Variants in ADGRV1 observed in about 807,000 individuals in gnomAD.
ADGRV1 encodes adhesion G protein-coupled receptor V1.
In ADGRV1, 359 loss-of-function variants were observed where a neutral mutation model predicts 596.2. The observed-to-expected ratio is 0.60, with a 90% CI of 0.55 to 0.66. The LOEUF (loss-of-function observed/expected upper bound fraction) is 0.66, where lower values mean the gene tolerates loss of function less well. Among genes scored for constraint, ADGRV1 ranks in the 30% least tolerant of loss-of-function variants. The pLI is 0.00. For synonymous variants in ADGRV1, 2,681 were observed against 2,679.2 expected, an observed-to-expected ratio of 1.00 and a Z score of -0.02; for missense variants, 7,274 against 7,575.6, an observed-to-expected ratio of 0.96 and a Z score of 1.48.
In ADGRV1 at chr5:90,681,473, T is replaced by C; in HGVS notation, c.5664+19T>C. 1 of 1,598,858 alleles carries C rather than the reference T, an allele frequency of 6.3e-7. No individual in the cohort carries two copies. Among genetic ancestry groups the C allele is most frequent in the Non-Finnish European group, 8.5e-7 (1 of 1,169,950 alleles). The stretch of plus-strand genomic sequence containing the variant: ...ATTAAATGTGAGTACCTTTTCTTCC[T>C]TCATTCCTAGACACTTTCTGTTGTT... On this transcript the variant is annotated intron_variant, in intron 27 of 89. Transcript: ENST00000405460.
intron 85 of ADGRV1, among the ~76,000 whole-genome samples, chr5:90,990,614 A>G (rs1219699307): frequency 6.6e-6 from 1 of 152,192 alleles, no homozygotes; most frequent in African/African-American, 2.4e-5. Context: ...CTAGTAGGCC[A>G]TGGGCAGGTA....
At chr5:90,705,638 T>A in intron 37 of ADGRV1, 59 bp downstream of exon 37, 1 of 1,369,294 alleles carries the variant, frequency 7.3e-7, no homozygotes, top group Non-Finnish European at 1.0e-6. Context: ...ATATTCTACT[T>A]GTGTGGATGA....
At chr5:90,998,438 C>A (rs1400285083) in intron 85 of ADGRV1, among the ~76,000 whole-genome samples, 5 of 151,900 alleles carry the variant, frequency 3.3e-5, no homozygotes, top group African/African-American at 1.2e-4. Flanking sequence ...GTATGTAATA[C>A]CCTGTATCGG....
chr5:90,707,305 G>A (rs905789617), intron 38 of ADGRV1, among the ~76,000 whole-genome samples: 1 of 152,126 alleles, frequency 6.6e-6, no homozygotes, highest in Non-Finnish European at 1.5e-5. Flanking sequence ...TGGTACTCAC[G>A]GAGGGAGTAG....
intron 1 of ADGRV1, among the ~76,000 whole-genome samples, chr5:90,594,581 A>G (rs1259923789): frequency 7.0e-6 from 1 of 143,634 alleles, no homozygotes; most frequent in Non-Finnish European, 1.5e-5. Flanking sequence ...AGGTCAGCAG[A>G]TAAACAAGTG....
At chr5:90,752,481 GTGT>G (rs1755375986) in intron 53 of ADGRV1, among the ~76,000 whole-genome samples, 1 of 152,034 alleles carries the variant, frequency 6.6e-6, no homozygotes, top group Admixed American at 6.6e-5. Context: ...GCCCCAGTGT[GTGT>G]TGTTTCCCTC....
intron 85 of ADGRV1, among the ~76,000 whole-genome samples, chr5:90,999,834 A>G (rs908697635): frequency 6.6e-6 from 1 of 152,106 alleles, no homozygotes; most frequent in East Asian, 1.9e-4. Context: ...AAAAGGGAAT[A>G]CCTGCAAATG....
chr5:90,574,109 A>G (rs1025642400), intron 1 of ADGRV1, among the ~76,000 whole-genome samples: 1 of 150,772 alleles, frequency 6.6e-6, no homozygotes, highest in Admixed American at 6.6e-5. Flanking sequence ...ATTGCTCTTT[A>G]TGCTTGGGAT....
At chr5:90,794,781 C>T (rs569952225) in intron 70 of ADGRV1, among the ~76,000 whole-genome samples, 24 of 152,222 alleles carry the variant, frequency 1.6e-4, no homozygotes, top group African/African-American at 5.3e-4. Context: ...CTTAGGTACC[C>T]GGTTCATCTC....
At chr5:90,876,372 C>A (rs1769217806) in intron 83 of ADGRV1, among the ~76,000 whole-genome samples, 1 of 152,078 alleles carries the variant, frequency 6.6e-6, no homozygotes, top group African/African-American at 2.4e-5. Context: ...TTTAGAAGGG[C>A]AATATAAGCA....
Position 90,693,990 on chromosome 5 carries a change from G to A in ADGRV1, c.7234G>A (p.Glu2412Lys). 6.2e-7 allele frequency: 1 copy of A among 1,613,492 alleles called. No homozygotes were observed. The highest frequency in any genetic ancestry group is 1.3e-5 in the African/African-American group (1 of 75,046). The change falls in exon 33 of 90, where the codon GAA (glutamate) becomes AAA (lysine). Residue 2412 changes from glutamate (E) to lysine (K), a missense_variant. By Grantham distance (56) the Glu-to-Lys change is moderately conservative. Transcript: ENST00000405460. ...EEGQDLLSYY[E>K]SPIQGVPDPL... ...AGGTCAAGATTTACTGTCCTACTAT[G>A]AATCTCCAATTCAAGGGGTGCCTGA...
intron 83 of ADGRV1, among the ~76,000 whole-genome samples, chr5:90,865,521 C>T (rs1768009259): frequency 6.6e-6 from 1 of 151,956 alleles, no homozygotes; most frequent in Admixed American, 6.6e-5. Context: ...TAATTTTGGA[C>T]AAAACGGTTA....
intron 33 of ADGRV1, 48 bp from the exon 34 acceptor site, chr5:90,696,889 G>A: frequency 7.1e-7 from 1 of 1,401,678 alleles, no homozygotes; most frequent in Non-Finnish European, 1.0e-6. Flanking sequence ...AGTTCTCTGT[G>A]TTGGTGATTT....
chr5:90,638,938 A>G (rs1766607117), intron 11 of ADGRV1, among the ~76,000 whole-genome samples: 1 of 152,168 alleles, frequency 6.6e-6, no homozygotes, highest in Non-Finnish European at 1.5e-5. Flanking sequence ...GCAACAAATT[A>G]TTGAATGTCC....
chr5:90,723,600 C>G (rs1751374631), intron 45 of ADGRV1, among the ~76,000 whole-genome samples: 1 of 152,062 alleles, frequency 6.6e-6, no homozygotes, highest in African/African-American at 2.4e-5. Flanking sequence ...ATTTGGGACT[C>G]TAAATGAAAA....
rs760438834 is a variant in ADGRV1 at position 90,840,997 on chromosome 5, T to G, written c.17019+12T>G. On this transcript the variant is annotated intron_variant, in intron 78 of 89. Transcript: ENST00000405460. Reference sequence around the variant, plus strand: ...ATTTAATAGAAAAGGTAAGTTTTTGTGAATATTAGTAATTTGTTTAGTGAA... The same window carrying G: ...ATTTAATAGAAAAGGTAAGTTTTTGGGAATATTAGTAATTTGTTTAGTGAA... The G allele has an allele frequency of 4.3e-6, 6 of 1,402,232 alleles. No individual in the cohort carries two copies. In the East Asian group the frequency reaches 1.5e-4, roughly 34 times the overall value. 86.9% of individuals were successfully genotyped at this position (1,402,232 alleles called of 1,614,324 possible).
intron 53 of ADGRV1, among the ~76,000 whole-genome samples, 194 bp from the exon 54 acceptor site, chr5:90,753,380 T>TAA (rs1755478760): frequency 1.9e-4 from 29 of 152,148 alleles, no homozygotes; most frequent in Admixed American, 1.9e-3. Context: ...ATAAATGGTT[T>TAA]GCTCTTCCTT....
At position 91,078,838 on chromosome 5, in the gene ADGRV1, T is replaced by C. The variant is rs530268867; in HGVS notation, c.18310+6234T>C. 3.3e-5 allele frequency among the ~76,000 whole-genome samples: 5 copies of C among 152,274 alleles called. No individual in the cohort carries two copies. The South Asian group carries it at 1.0e-3, about 32-fold the overall frequency. ...GCCCAGATTGCAGAATTGGGAGAAATAGTACATTATTTTAAGTCACTAAGT... is the reference window on the plus strand; with the variant it reads ...GCCCAGATTGCAGAATTGGGAGAAACAGTACATTATTTTAAGTCACTAAGT... On this transcript the variant is annotated intron_variant, in intron 86 of 89. Transcript: ENST00000405460.
At chr5:90,768,734 A>G (rs531311087) in intron 59 of ADGRV1, among the ~76,000 whole-genome samples, 1 of 152,318 alleles carries the variant, frequency 6.6e-6, no homozygotes, top group East Asian at 1.9e-4. Flanking sequence ...ATAGAAACAT[A>G]CAACTCTCCG....
Sources: gnomAD v4.1 joint callset for allele counts (sites outside exome capture counted in the v4.1 genomes callset) on GRCh38, gnomAD v4.1.1 for gene constraint, MANE v1.5 for transcripts, NCBI Gene and HGNC (gene_info 2026-07-23, HGNC 2026-07-21) for gene names.